The following FLACC1 variants were observed in gnomAD, a reference collection of about 807,000 sequenced individuals.
The protein encoded by FLACC1 is flagellum associated containing coiled-coil domains 1.
A neutral mutation model predicts 62.8 loss-of-function variants in FLACC1; 66 were observed. The ratio of observed to expected loss-of-function variants is 1.05; its 90% CI spans 0.86 to 1.29. The LOEUF is 1.29. FLACC1 is among the 50% of genes most tolerant of loss of function. FLACC1 has a pLI of 0.00. For missense variants in FLACC1, 452 were observed against 489.1 expected (o/e 0.92, Z 0.71); for synonymous variants, 156 against 161.0 (o/e 0.97, Z 0.24).
At chr2:201,310,619 G>T (rs1178171438) in intron 9 of FLACC1, among the ~76,000 whole-genome samples, 1 of 152,188 alleles carries the variant, frequency 6.6e-6, no homozygotes, top group Non-Finnish European at 1.5e-5. Context: ...TGATTAAATG[G>T]ATGGGTTTTA....
chr2:201,301,608 C>T (rs2125549741), intron 11 of FLACC1, among the ~76,000 whole-genome samples: 1 of 152,298 alleles, frequency 6.6e-6, no homozygotes, highest in South Asian at 2.1e-4. Context: ...TCGAGAAGAG[C>T]AACTCCAAGA....
At position 201,330,785 on chromosome 2, in the gene FLACC1, G is replaced by A; in HGVS notation, c.573C>T (p.Asn191=). The A allele has an allele frequency of 6.2e-7, 1 of 1,613,900 alleles. No homozygotes were observed. The highest frequency in any genetic ancestry group is 8.5e-7 in the Non-Finnish European group (1 of 1,180,000). Residue 191 remains asparagine, a synonymous_variant, in exon 8 of 15, where the codon AAC becomes AAT. Transcript: ENST00000392257. ...HEAELSELEN[N]YKAALKAEKL... is the part of the protein sequence containing the mutation. The stretch of plus-strand genomic sequence containing the variant: ...TCTCTGCCTTCAAGGCTGCTTTGTA[G>A]TTGTTCTCCAACTCACTGAGTTCTG...
chr2:201,351,314 T>C lies in FLACC1; in HGVS notation c.91A>G (p.Lys31Glu). 3 of 1,613,880 alleles carry C rather than the reference T, an allele frequency of 1.9e-6. No individual in the cohort carries two copies. Among genetic ancestry groups the C allele is most frequent in the Non-Finnish European group, 2.5e-6 (3 of 1,179,762 alleles). ...TACTTGGAACTCCCTGTGGAGTTCT[T>C]GCGTGGTAGTTGAGGGGTCTTGATT... ...KLIKTPQLPR[K>E]NSTGSSKLTP... is the part of the protein sequence containing the mutation. The change falls in exon 2 of 15, where the codon AAG (lysine) becomes GAG (glutamate). Residue 31 changes from lysine to glutamate, a missense_variant. By Grantham distance (56) the Lys-to-Glu change is moderately conservative (BLOSUM62 1). Around this residue, in one of 3 missense-constraint regions of FLACC1, gnomAD observed 147 missense variants for 152.7 expected, o/e 0.96. Coordinates refer to ENST00000392257, the MANE Select transcript of FLACC1 (RefSeq NM_001127391.3).
chr2:201,307,610 G>C lies in FLACC1; in HGVS notation c.788C>G (p.Thr263Ser), dbSNP rs1360838002. ...NILLQQKKKM[T>S]KKFEMESGEE... is the part of the protein sequence containing the mutation. ...TCCTGACTCCATTTCGAATTTTTTG[G>C]TCATCTTTTTTTCTGTGGAAGTGAC... Residue 263 changes from threonine (T) to serine (S), a missense_variant, in exon 11 of 15, where the codon ACC becomes AGC. Thr to Ser is a moderately conservative substitution (Grantham distance 58). Around this residue, in one of 3 missense-constraint regions of FLACC1, gnomAD observed 301 missense variants for 318.4 expected, o/e 0.95. Transcript: ENST00000392257. The C allele has an allele frequency of 6.2e-7, 1 of 1,613,280 alleles. No individual in the cohort carries two copies. The highest frequency in any genetic ancestry group is 8.5e-7 in the Non-Finnish European group (1 of 1,179,376).
At position 201,289,497 on chromosome 2, in the gene FLACC1, G is replaced by C. The variant is rs760362466; in HGVS notation, c.1102C>G (p.His368Asp). ...TCTTCCGTCAGGATCTGTATGGTGT[G>C]CTTATACTTTTCTTCAGTTTCAGCA... is the stretch of plus-strand genomic sequence containing the variant. ...KFAETEEKYK[H>D]TIQILTEENI... The change falls in exon 14 of 15, where the codon CAC becomes GAC. Residue 368 changes from histidine (H) to aspartate (D), a missense_variant. By Grantham distance (81) the His-to-Asp change is moderately conservative (BLOSUM62 -1). This residue lies in a region of FLACC1 where 301 missense variants were observed against 318.4 expected (regional missense o/e 0.95). Coordinates refer to ENST00000392257, the MANE Select transcript of FLACC1 (RefSeq NM_001127391.3). The C allele has an allele frequency of 6.2e-7, 1 of 1,614,180 alleles. No individual in the cohort carries two copies. The highest frequency in any genetic ancestry group is 1.1e-5 in the South Asian group (1 of 91,088).
chr2:201,301,746 T>C (rs1949989171), intron 11 of FLACC1, among the ~76,000 whole-genome samples: 1 of 152,210 alleles, frequency 6.6e-6, no homozygotes, highest in Non-Finnish European at 1.5e-5. Context: ...GCAGAAACTC[T>C]ATCTACAAGC....
intron 12 of FLACC1, among the ~76,000 whole-genome samples, chr2:201,296,420 C>A (rs564792485): frequency 1.3e-5 from 2 of 149,782 alleles, no homozygotes; most frequent in African/African-American, 2.5e-5. Flanking sequence ...GGACAAAAAA[C>A]CAAACACCAC....
At chr2:201,338,912 G>C (rs1246881431) in intron 7 of FLACC1, among the ~76,000 whole-genome samples, 1 of 152,126 alleles carries the variant, frequency 6.6e-6, no homozygotes, top group Non-Finnish European at 1.5e-5. Flanking sequence ...TGGTATTAAG[G>C]TAATGCTGGC....
chr2:201,305,701 T>C (rs1023883688), intron 11 of FLACC1, among the ~76,000 whole-genome samples: 4 of 152,182 alleles, frequency 2.6e-5, no homozygotes, highest in Non-Finnish European at 4.4e-5. Context: ...CCATCAATGA[T>C]AGACTGGATT....
Position 201,351,221 on chromosome 2 carries a change from C to T in FLACC1, c.113+71G>A, listed in dbSNP as rs896426138. On this transcript the variant is annotated intron_variant, in intron 2 of 14. Coordinates refer to ENST00000392257, the MANE Select transcript of FLACC1 (RefSeq NM_001127391.3). ...CTGCCACACTTGCTGTTTTAGAAAT[C>T]TTGTGAGAGAAATGAGGCTACAAAT... The T allele has an allele frequency of 1.1e-5, 14 of 1,325,520 alleles. 1 individual carries two copies. In the South Asian group the frequency reaches 1.8e-4, roughly 17 times the overall value. The allele number at this position is 1,325,520 out of a possible 1,614,324, so 82.1% of individuals were successfully genotyped here.
At chr2:201,322,165 AG>A (rs1950416043) in intron 9 of FLACC1, among the ~76,000 whole-genome samples, 1 of 151,644 alleles carries the variant, frequency 6.6e-6, no homozygotes, top group African/African-American at 2.4e-5. Flanking sequence ...GCTACTTGGG[AG>A]GCTGAGGCAC....
chr2:201,312,385 G>A (rs1950233249), intron 9 of FLACC1, among the ~76,000 whole-genome samples: 1 of 152,082 alleles, frequency 6.6e-6, no homozygotes, highest in Non-Finnish European at 1.5e-5. Context: ...GAGGTAAAAG[G>A]AGAACTATAA....
intron 12 of FLACC1, among the ~76,000 whole-genome samples, chr2:201,292,343 C>A (rs1187766132): frequency 6.6e-6 from 1 of 152,196 alleles, no homozygotes; most frequent in African/African-American, 2.4e-5. Flanking sequence ...AGAAACTCTA[C>A]AAGCCAGAAG....
chr2:201,347,649 A>G (rs1950943015), intron 4 of FLACC1, among the ~76,000 whole-genome samples: 1 of 150,038 alleles, frequency 6.7e-6, no homozygotes, highest in African/African-American at 2.4e-5. Context: ...AAACAAAAAA[A>G]AGAAAGAAAA....
At chr2:201,311,271 G>C (rs1002894578) in intron 9 of FLACC1, among the ~76,000 whole-genome samples, 1 of 151,904 alleles carries the variant, frequency 6.6e-6, no homozygotes, top group Admixed American at 6.6e-5. Context: ...ATGAGGAGGA[G>C]GGACTCCTCC....
intron 14 of FLACC1, among the ~76,000 whole-genome samples, chr2:201,289,095 A>T (rs1370427291): frequency 6.6e-6 from 1 of 152,234 alleles, no homozygotes; most frequent in East Asian, 1.9e-4. Context: ...TTTCCATAGG[A>T]ACCAGAAGCA....
chr2:201,303,864 C>A (rs192143140), intron 11 of FLACC1, among the ~76,000 whole-genome samples: 1 of 152,172 alleles, frequency 6.6e-6, no homozygotes, highest in East Asian at 1.9e-4. Flanking sequence ...AAAAGGCCTT[C>A]AACAAAATTC....
At position 201,288,708 on chromosome 2, in the gene FLACC1, T is replaced by A. The variant is rs1455495131; in HGVS notation, c.1216A>T (p.Lys406Ter). The change falls in exon 15 of 15, where the codon AAG (lysine) becomes TAG (stop). Residue 406 changes from lysine to a stop codon, truncating the protein, a stop_gained. Transcript: ENST00000392257. LOFTEE classifies it low-confidence loss of function (END_TRUNC). ...SGRLASITVS[K>*]DDSDTVQDGS... ...TCTTGCACAGTGTCAGAATCATCCTTAGAAACAGTAATAGAGGCCAATCTC... is the reference window on the plus strand; with the variant it reads ...TCTTGCACAGTGTCAGAATCATCCTAAGAAACAGTAATAGAGGCCAATCTC... 1 of 1,614,096 alleles carries A rather than the reference T, an allele frequency of 6.2e-7. No individual in the cohort carries two copies. The highest frequency in any genetic ancestry group is 2.2e-5 in the East Asian group (1 of 44,872).
chr2:201,293,880 A>T (rs1272676587), intron 12 of FLACC1, among the ~76,000 whole-genome samples: 1 of 152,224 alleles, frequency 6.6e-6, no homozygotes, highest in Non-Finnish European at 1.5e-5. Flanking sequence ...ACCATCAGAG[A>T]GTACTATAAA....
Sources: allele counts gnomAD v4.1 joint callset (sites outside exome capture counted in the v4.1 genomes callset), GRCh38; gene constraint gnomAD v4.1.1; regional missense constraint gnomAD v4.1.1; transcripts MANE v1.5; gene names NCBI Gene and HGNC (gene_info 2026-07-23, HGNC 2026-07-21).